Variants in THADA observed in about 807,000 individuals in gnomAD.
THADA encodes the protein THADA armadillo repeat containing, also known as tRNA (32-2'-O)-methyltransferase regulator THADA.
In THADA, 213 loss-of-function variants were observed where a neutral mutation model predicts 219.8. The observed-to-expected ratio is 0.97, with a 90% CI of 0.87 to 1.09. The LOEUF is 1.09. THADA is among the 50% of genes least tolerant of loss of function. The pLI, the probability that THADA is intolerant of heterozygous loss-of-function variation, is 0.00. For synonymous variants in THADA, 1,018 were observed against 828.9 expected, an observed-to-expected ratio of 1.23 and a Z score of -3.92; for missense variants, 2,956 against 2,311.3, an observed-to-expected ratio of 1.28 and a Z score of -5.72.
intron 28 of THADA, among the ~76,000 whole-genome samples, chr2:43,405,069 C>G (rs796242607): frequency 2.0e-5 from 3 of 152,296 alleles, no homozygotes; most frequent in African/African-American, 7.2e-5. Flanking sequence ...CAGAGGCCTA[C>G]CCTCCTCCTT....
intron 25 of THADA, chr2:43,486,806 T>G (rs1686975577): frequency 6.6e-6 from 1 of 152,156 alleles, no homozygotes; most frequent in African/African-American, 2.4e-5. Context: ...GGTTTTTATG[T>G]GAAATCTATT....
intron 29 of THADA, among the ~76,000 whole-genome samples, chr2:43,357,347 T>C (rs79263438): frequency 7.4e-4 from 112 of 152,250 alleles, no homozygotes; most frequent in Non-Finnish European, 1.2e-3. Context: ...CTGGTGGAAG[T>C]ATAAATTGTC....
At chr2:43,415,276 A>C (rs1030135972) in intron 28 of THADA, among the ~76,000 whole-genome samples, 1 of 152,200 alleles carries the variant, frequency 6.6e-6, no homozygotes, top group East Asian at 1.9e-4. Context: ...CATCTGAGAA[A>C]ATTAAGTGGG....
At position 43,344,132 on chromosome 2, in the gene THADA, G is replaced by C. The variant is rs769050649; in HGVS notation, c.4333C>G (p.Leu1445Val). ...GGGATTTTAACATACCTCTTGGCCAGCCAGAGTTTGGCTTTGGTACAAACA... is the reference window on the plus strand; with the variant it reads ...GGGATTTTAACATACCTCTTGGCCACCCAGAGTTTGGCTTTGGTACAAACA... Reference protein sequence around the residue: ...ITVCTKAKLWLAKRQNPCLVT... With the variant: ...ITVCTKAKLWVAKRQNPCLVT... Residue 1445 changes from leucine (L) to valine (V), a missense_variant, in exon 30 of 38, where the codon CTG becomes GTG. Physicochemically the swap from Leu to Val is conservative, Grantham distance 32. Coordinates refer to ENST00000405975, the MANE Select transcript of THADA (RefSeq NM_022065.5). 1 of 1,608,424 alleles carries C rather than the reference G, an allele frequency of 6.2e-7. No homozygotes were observed. Among genetic ancestry groups the C allele is most frequent in the East Asian group, 2.2e-5 (1 of 44,840 alleles).
chr2:43,412,319 T>G (rs1191242334), intron 28 of THADA, among the ~76,000 whole-genome samples: 1 of 152,186 alleles, frequency 6.6e-6, no homozygotes, highest in East Asian at 1.9e-4. Flanking sequence ...TCATGCCAAG[T>G]GCATAATCTT....
chr2:43,509,142 T>G (rs1254170036), intron 22 of THADA, among the ~76,000 whole-genome samples: 2 of 152,212 alleles, frequency 1.3e-5, no homozygotes, highest in East Asian at 3.8e-4. Flanking sequence ...TATAGTTTAC[T>G]ATAATTTATG....
intron 26 of THADA, among the ~76,000 whole-genome samples, chr2:43,479,613 T>C (rs1178402495): frequency 6.9e-6 from 1 of 144,350 alleles, no homozygotes; most frequent in Admixed American, 6.9e-5. Context: ...AGATAAATGT[T>C]AAAAAAAAAA....
At chr2:43,294,531 G>A (rs1675131670) in intron 31 of THADA, among the ~76,000 whole-genome samples, 1 of 152,210 alleles carries the variant, frequency 6.6e-6, no homozygotes, top group African/African-American at 2.4e-5. Flanking sequence ...AGGAGATGAG[G>A]CTAGGGAAGA....
chr2:43,398,399 G>A (rs1365004411), intron 28 of THADA, among the ~76,000 whole-genome samples: 2 of 152,108 alleles, frequency 1.3e-5, no homozygotes, highest in Non-Finnish European at 2.9e-5. Flanking sequence ...ACAATAAACA[G>A]GTAGTAGCAA....
At chr2:43,444,448 A>T (rs1681260844) in intron 26 of THADA, among the ~76,000 whole-genome samples, 1 of 152,210 alleles carries the variant, frequency 6.6e-6, no homozygotes, top group Admixed American at 6.5e-5. Flanking sequence ...ATTTGTCTGC[A>T]TATTCCACAT....
At position 43,231,258 on chromosome 2, in the gene THADA, A is replaced by G; in HGVS notation, c.5552T>C (p.Leu1851Pro). Reference protein sequence around the residue: ...LIFVKYLCKHLFCLLSKSGWR... With the variant: ...LIFVKYLCKHPFCLLSKSGWR... ...GCCGGACTTTGAGAGGAGACAGAAG[A>G]GGTGCTTGCAGAGGTATTTCACAAA... The change falls in exon 38 of 38, where the codon CTC becomes CCC. Residue 1851 changes from leucine (L) to proline (P), a missense_variant. By Grantham distance (98) the Leu-to-Pro change is moderately conservative. Transcript: ENST00000405975. 1 of 1,611,420 alleles carries G rather than the reference A, an allele frequency of 6.2e-7. No homozygotes were observed. The highest frequency in any genetic ancestry group is 8.5e-7 in the Non-Finnish European group (1 of 1,179,088).
At chr2:43,496,166 T>TA (rs1688256075) in intron 25 of THADA, among the ~76,000 whole-genome samples, 1 of 152,212 alleles carries the variant, frequency 6.6e-6, no homozygotes. Context: ...TATTAAGATC[T>TA]AGCTTCTTTT....
At chr2:43,549,784 A>C (rs1331040349) in intron 19 of THADA, among the ~76,000 whole-genome samples, 1 of 152,104 alleles carries the variant, frequency 6.6e-6, no homozygotes, top group African/African-American at 2.4e-5. Flanking sequence ...GTAGAAAAAA[A>C]TCAATATTTG....
intron 26 of THADA, among the ~76,000 whole-genome samples, chr2:43,451,589 T>G (rs1682344519): frequency 6.6e-6 from 1 of 152,220 alleles, no homozygotes; most frequent in Admixed American, 6.5e-5. Context: ...AGTAAATATT[T>G]GCTATCTTCT....
At chr2:43,493,635 C>T (rs1687926150) in intron 25 of THADA, among the ~76,000 whole-genome samples, 1 of 152,004 alleles carries the variant, frequency 6.6e-6, no homozygotes, top group African/African-American at 2.4e-5. Flanking sequence ...AAGATCAGGC[C>T]TCCCCTAGTC....
chr2:43,446,546 G>T (rs1005470372), intron 26 of THADA, among the ~76,000 whole-genome samples: 1 of 152,196 alleles, frequency 6.6e-6, no homozygotes, highest in Admixed American at 6.5e-5. Flanking sequence ...ATCAGCCCCA[G>T]CTGAGGTCTC....
chr2:43,509,859 G>C (rs1690171238), intron 22 of THADA, among the ~76,000 whole-genome samples: 1 of 152,014 alleles, frequency 6.6e-6, no homozygotes, highest in Non-Finnish European at 1.5e-5. Context: ...CTACTAGCAG[G>C]CTCTGTGATT....
intron 1 of THADA, chr2:43,592,765 C>T (rs1289292227): frequency 6.1e-6 from 1 of 163,142 alleles, no homozygotes; most frequent in African/African-American, 2.4e-5. Context: ...TTTTAAAATA[C>T]AGCAAACTTT....
rs185692142 is a variant in THADA, at chr2:43,470,275, G to T, written c.3836+14959C>A. On this transcript the variant is annotated intron_variant, in intron 26 of 37. Transcript: ENST00000405975. The stretch of plus-strand genomic sequence containing the variant: ...CTGACAATATGTAAATAGAGTCTGA[G>T]GCCAGTTATAACCTTTGACACATAA... 2.9e-3 allele frequency among the ~76,000 whole-genome samples: 443 copies of T among 151,172 alleles called. 1 individual carries two copies. The highest frequency in any genetic ancestry group is 0.01 in the African/African-American group (422 of 41,230).
Sources: gnomAD v4.1 joint callset for allele counts (sites outside exome capture counted in the v4.1 genomes callset) on GRCh38, gnomAD v4.1.1 for gene constraint, MANE v1.5 for transcripts, NCBI Gene and HGNC (gene_info 2026-07-23, HGNC 2026-07-21) for gene names.